Variants in RBM4 observed in about 807,000 individuals in gnomAD.
RBM4 encodes RNA binding motif protein 4.
RBM4 carries 7 observed loss-of-function variants against 29.5 expected under a neutral mutation model. The observed-to-expected ratio is 0.24, with a 90% CI of 0.14 to 0.45. The LOEUF (loss-of-function observed/expected upper bound fraction) is 0.45. RBM4 is among the 20% of genes least tolerant of loss of function. The probability of loss-of-function intolerance (pLI) is 1.00; values close to 1 mark genes in which losing one functional copy is unlikely to be tolerated. For missense variants in RBM4, 387 were observed against 502.3 expected, an observed-to-expected ratio of 0.77 and a Z score of 2.19; for synonymous variants, 220 against 205.4, an observed-to-expected ratio of 1.07 and a Z score of -0.61.
chr11:66,640,286 CT>C, intron 2 of RBM4, 163 bp downstream of exon 2: 1 of 929,968 alleles, frequency 1.1e-6, no homozygotes, highest in Non-Finnish European at 1.6e-6. Flanking sequence ...ATGCATGGGA[CT>C]TAGGGGCTTT....
chr11:66,655,928 G>T (rs1176728555), intron 2 of RBM4, among the ~76,000 whole-genome samples: 1 of 151,682 alleles, frequency 6.6e-6, no homozygotes, highest in Non-Finnish European at 1.5e-5. Context: ...TTTCAACCCA[G>T]TTTTTCCTGA....
At chr11:66,644,928 T>A (rs1055716296) in intron 3 of RBM4, among the ~76,000 whole-genome samples, 1 of 140,190 alleles carries the variant, frequency 7.1e-6, no homozygotes, top group African/African-American at 2.7e-5. Context: ...TTACTTAGGG[T>A]TTTTTTTTTT....
In RBM4 at chr11:66,646,094, C is replaced by G. The variant is rs1267407772; in HGVS notation, c.*76C>G. The G allele has an allele frequency of 1.3e-6, 2 of 1,535,512 alleles. No individual in the cohort carries two copies. The highest frequency in any genetic ancestry group is 4.9e-5 in the East Asian group (2 of 40,936). The stretch of plus-strand genomic sequence containing the variant: ...TGAGAATACACCCTTCGTGGTACCC[C>G]ATCTCCGGGACGTTCTCGGCTCTGT... On this transcript the variant is annotated 3_prime_UTR_variant, in exon 4 of 4. Transcript: ENST00000310092.
chr11:66,657,985 G>A (rs1036765922), intron 2 of RBM4, among the ~76,000 whole-genome samples: 22 of 152,022 alleles, frequency 1.4e-4, no homozygotes, highest in African/African-American at 5.3e-4. Flanking sequence ...CTCCCAAAGT[G>A]CTGGGATTAC....
At position 66,664,178 on chromosome 11, in the gene RBM4, T is replaced by G. The variant is rs542410639; in HGVS notation, c.413-1678T>G. ...GCACCACCATGCCCAGCTGTTTTTT[T>G]TTTTTTTTTTTTTTGAGATGGGAGT... On this transcript the variant is annotated intron_variant, in intron 2 of 2. Transcript: ENST00000396053. 1.5e-3 allele frequency among the ~76,000 whole-genome samples: 227 copies of G among 148,406 alleles called. 1 individual carries two copies. The highest frequency in any genetic ancestry group is 3.4e-3 in the Middle Eastern group (1 of 294).
intron 2 of RBM4, among the ~76,000 whole-genome samples, chr11:66,657,987 T>C (rs1024182759): frequency 2.0e-5 from 3 of 152,146 alleles, no homozygotes; most frequent in African/African-American, 4.8e-5. Flanking sequence ...CCCAAAGTGC[T>C]GGGATTACAG....
chr11:66,651,049 GGTT>G (rs1938817759), downstream of RBM4, among the ~76,000 whole-genome samples: 2 of 152,028 alleles, frequency 1.3e-5, no homozygotes, highest in Non-Finnish European at 2.9e-5. Flanking sequence ...TCAAAATTGG[GGTT>G]GTTTTGGGTG....
intron 2 of RBM4, among the ~76,000 whole-genome samples, chr11:66,662,699 G>A (rs1467247327): frequency 2.4e-4 from 37 of 152,144 alleles, no homozygotes; most frequent in Admixed American, 2.4e-3. Flanking sequence ...CACGCACCTG[G>A]TATATGTTAA....
At chr11:66,640,599 G>A in intron 2 of RBM4, 1 of 208,934 alleles carries the variant, frequency 4.8e-6, no homozygotes, top group African/African-American at 2.3e-5. Flanking sequence ...ACTCTTTAAA[G>A]GGTTACAGCT....
intron 2 of RBM4, among the ~76,000 whole-genome samples, chr11:66,663,826 C>G (rs982164898): frequency 1.3e-5 from 2 of 151,850 alleles, no homozygotes; most frequent in Non-Finnish European, 2.9e-5. Context: ...CTGGCTCAGC[C>G]TTTTTCTGAT....
intron 3 of RBM4, among the ~76,000 whole-genome samples, chr11:66,645,692 A>G (rs1209717444): frequency 1.3e-5 from 2 of 151,638 alleles, no homozygotes; most frequent in South Asian, 2.1e-4. Context: ...CATTTTTCCT[A>G]TCCTCTGCTG....
In RBM4 at chr11:66,646,067, C is replaced by T; in HGVS notation, c.*49C>T. The T allele has an allele frequency of 6.5e-7, 1 of 1,536,074 alleles. No homozygotes were observed. Among genetic ancestry groups the T allele is most frequent in the Non-Finnish European group, 8.7e-7 (1 of 1,146,914 alleles). On this transcript the variant is annotated 3_prime_UTR_variant, in exon 4 of 4. Coordinates refer to ENST00000310092, the MANE Select transcript of RBM4 (RefSeq NM_002896.4). Reference sequence around the variant, plus strand: ...GCTGAAATTCCGAGCTGCGGTTGTGCATGAGAATACACCCTTCGTGGTACC... The same window carrying T: ...GCTGAAATTCCGAGCTGCGGTTGTGTATGAGAATACACCCTTCGTGGTACC...
intron 3 of RBM4, 147 bp downstream of exon 3, chr11:66,644,287 T>G: frequency 8.9e-7 from 1 of 1,119,824 alleles, no homozygotes; most frequent in South Asian, 1.7e-5. Context: ...AGAGAAGTCC[T>G]AACTGCTTAA....
intron 2 of RBM4, among the ~76,000 whole-genome samples, chr11:66,655,971 A>G (rs1025978459): frequency 6.6e-6 from 1 of 152,016 alleles, no homozygotes; most frequent in African/African-American, 2.4e-5. Context: ...ACGGCCCTGA[A>G]GTATTCTTTT....
At chr11:66,656,697 A>C (rs549381931) in intron 2 of RBM4, among the ~76,000 whole-genome samples, 3 of 150,874 alleles carry the variant, frequency 2.0e-5, no homozygotes, top group Admixed American at 6.6e-5. Context: ...GTCTCACTCT[A>C]TTGCCCAGGC....
In RBM4 at chr11:66,639,592, C is replaced by A. The variant is rs530658103; in HGVS notation, c.-12-108C>A. The A allele has an allele frequency of 3.0e-6, 4 of 1,339,942 alleles. No individual in the cohort carries two copies. In the South Asian group the frequency reaches 4.2e-5, roughly 14 times the overall value. The allele number at this position is 1,339,942 out of a possible 1,614,324, so 83.0% of individuals were successfully genotyped here. ...TATTGTGTGGAGGTGTGTGTGCAGG[C>A]GTGTGAGAGAGAAAACTGGAAATAT... On this transcript the variant is annotated intron_variant, in intron 1 of 3. Coordinates refer to ENST00000310092, the MANE Select transcript of RBM4 (RefSeq NM_002896.4).
chr11:66,665,884 C>G lies in RBM4; in HGVS notation c.441C>G (p.Tyr147Ter). 6.5e-7 allele frequency: 1 copy of G among 1,535,002 alleles called. No individual in the cohort carries two copies. The change falls in exon 3 of 3, where the codon TAC becomes TAG. Residue 147 changes from tyrosine to a stop codon, truncating the protein, a stop_gained. Coordinates refer to the RBM4 transcript ENST00000396053. LOFTEE classifies it low-confidence loss of function (END_TRUNC). ...AGATAACCCCTGTGACAGAAGGCTA[C>G]TGTTGCTGTAACAAAGGGCATACAT...
At chr11:66,653,863 G>A (rs1221510206) in intron 2 of RBM4, among the ~76,000 whole-genome samples, 2 of 149,284 alleles carry the variant, frequency 1.3e-5, no homozygotes, top group Non-Finnish European at 3.0e-5. Flanking sequence ...GCCCAGGATA[G>A]GGACTCACAC....
chr11:66,650,261 T>C (rs1191718960), downstream of RBM4, among the ~76,000 whole-genome samples: 1 of 152,234 alleles, frequency 6.6e-6, no homozygotes, highest in Non-Finnish European at 1.5e-5. Flanking sequence ...ATGTTAACCC[T>C]GTTAACTTTG....
Sources: gnomAD v4.1 joint callset for allele counts (sites outside exome capture counted in the v4.1 genomes callset) on GRCh38, gnomAD v4.1.1 for gene constraint, MANE v1.5 for transcripts, NCBI Gene and HGNC (gene_info 2026-07-23, HGNC 2026-07-21) for gene names.